The following BMPER variants were observed in gnomAD, a reference collection of about 807,000 sequenced individuals.
BMPER encodes the protein BMP binding endothelial regulator, also known as BMP-binding endothelial regulator protein.
BMPER carries 45 observed loss-of-function variants against 87.3 expected under a neutral mutation model. That is an observed-to-expected ratio of 0.52 (90% CI 0.41 to 0.66). The LOEUF is 0.66. BMPER is among the 30% of genes least tolerant of loss of function. BMPER has a pLI of 0.00. For missense variants in BMPER, 784 were observed against 867.5 expected, an observed-to-expected ratio of 0.90 and a Z score of 1.21; for synonymous variants, 326 against 316.2, an observed-to-expected ratio of 1.03 and a Z score of -0.33.
At chr7:33,988,884 C>T (rs927611559) in intron 6 of BMPER, among the ~76,000 whole-genome samples, 76 of 124,810 alleles carry the variant, frequency 6.1e-4, no homozygotes, top group African/African-American at 2.1e-3. Context: ...TTTGTTCTCG[C>T]GATAGTTTAC....
intron 6 of BMPER, among the ~76,000 whole-genome samples, chr7:33,982,126 A>G (rs537552645): frequency 2.0e-5 from 3 of 152,150 alleles, no homozygotes; most frequent in Admixed American, 2.0e-4. Flanking sequence ...GAGATGCCTC[A>G]TCATTTCTGT....
chr7:34,129,590 G>GAGAGAGAGAGAA (rs1562761859), intron 13 of BMPER, among the ~76,000 whole-genome samples: 3 of 128,698 alleles, frequency 2.3e-5, no homozygotes, highest in African/African-American at 9.4e-5. Context: ...GAGAGAGAGA[G>GAGAGAGAGAGAA]AGAGAGAGAG....
chr7:33,928,942 G>A (rs1256588737), intron 2 of BMPER, among the ~76,000 whole-genome samples: 2 of 152,144 alleles, frequency 1.3e-5, no homozygotes, highest in East Asian at 1.9e-4. Context: ...ACCTCAGGGG[G>A]TCTTACTTCT....
chr7:33,958,197 T>C (rs1161460836), intron 3 of BMPER, among the ~76,000 whole-genome samples: 5 of 152,234 alleles, frequency 3.3e-5, no homozygotes. Context: ...TTTTTATACG[T>C]CACCCACCTT....
intron 13 of BMPER, among the ~76,000 whole-genome samples, chr7:34,092,458 C>T (rs1789412862): frequency 6.6e-6 from 1 of 152,208 alleles, no homozygotes; most frequent in Admixed American, 6.5e-5. Flanking sequence ...AAACTAGCCT[C>T]TTCTTGTATG....
intron 6 of BMPER, among the ~76,000 whole-genome samples, chr7:34,027,889 G>A (rs1272500060): frequency 6.6e-6 from 1 of 152,032 alleles, no homozygotes; most frequent in Non-Finnish European, 1.5e-5. Context: ...ATTTTATAAT[G>A]AAGTATACCA....
chr7:34,104,939 CAG>C (rs1327800036), intron 13 of BMPER, among the ~76,000 whole-genome samples: 3 of 152,140 alleles, frequency 2.0e-5, no homozygotes, highest in African/African-American at 7.2e-5. Flanking sequence ...AAATGATTCC[CAG>C]AGATGTTCCT....
At chr7:34,090,207 C>T (rs1789341918) in intron 13 of BMPER, among the ~76,000 whole-genome samples, 1 of 152,154 alleles carries the variant, frequency 6.6e-6, no homozygotes, top group Non-Finnish European at 1.5e-5. Flanking sequence ...TTTGCATTAT[C>T]CTTTATTAGT....
intron 6 of BMPER, among the ~76,000 whole-genome samples, chr7:33,995,216 A>G (rs541869735): frequency 1.3e-5 from 2 of 152,254 alleles, no homozygotes; most frequent in Non-Finnish European, 2.9e-5. Flanking sequence ...AAAGACTCTT[A>G]CATAATAAAG....
At chr7:34,039,867 G>A (rs1352120499) in intron 6 of BMPER, among the ~76,000 whole-genome samples, 1 of 152,004 alleles carries the variant, frequency 6.6e-6, no homozygotes, top group Non-Finnish European at 1.5e-5. Context: ...CAGCTCATCA[G>A]GAACACATCT....
At chr7:33,966,589 TA>T (rs1785412094) in intron 4 of BMPER, 28 bp downstream of exon 4, 1 of 1,602,050 alleles carries the variant, frequency 6.2e-7, no homozygotes, top group Non-Finnish European at 8.5e-7. Context: ...CTCTCTCCAG[TA>T]AAAAGGAATC....
At chr7:34,074,924 A>G (rs774623815) in intron 11 of BMPER, among the ~76,000 whole-genome samples, 31 of 152,300 alleles carry the variant, frequency 2.0e-4, no homozygotes, top group Non-Finnish European at 4.1e-4. Flanking sequence ...AACATGAATG[A>G]TGCTTTTTCC....
At chr7:33,933,290 C>A (rs1481345267) in intron 2 of BMPER, among the ~76,000 whole-genome samples, 5 of 152,140 alleles carry the variant, frequency 3.3e-5, no homozygotes, top group Admixed American at 2.6e-4. Flanking sequence ...GTTAAAGAAT[C>A]GGTTAACTAT....
intron 2 of BMPER, among the ~76,000 whole-genome samples, chr7:33,919,699 G>T (rs1784168636): frequency 6.6e-6 from 1 of 152,188 alleles, no homozygotes; most frequent in Non-Finnish European, 1.5e-5. Context: ...ATATCCTGAG[G>T]CACTGCAAGA....
intron 11 of BMPER, among the ~76,000 whole-genome samples, chr7:34,063,383 G>GTA (rs1788493800): frequency 1.2e-5 from 1 of 81,506 alleles, no homozygotes; most frequent in African/African-American, 4.5e-5. Flanking sequence ...CACTATATGT[G>GTA]TGTGTGTGTG....
intron 6 of BMPER, among the ~76,000 whole-genome samples, chr7:33,988,542 A>T (rs187561209): frequency 5.6e-4 from 86 of 152,334 alleles, no homozygotes; most frequent in African/African-American, 2.0e-3. Flanking sequence ...TCAAACTTCT[A>T]TCATTAAGTA....
intron 5 of BMPER, among the ~76,000 whole-genome samples, chr7:33,974,414 T>G (rs1359048439): frequency 5.9e-5 from 9 of 152,120 alleles, no homozygotes; most frequent in Admixed American, 5.2e-4. Context: ...ATGATCACCA[T>G]GCAGCTCCCG....
intron 2 of BMPER, among the ~76,000 whole-genome samples, chr7:33,931,643 G>T (rs1784483745): frequency 6.6e-6 from 1 of 152,170 alleles, no homozygotes; most frequent in Non-Finnish European, 1.5e-5. Flanking sequence ...TTGACTCTTT[G>T]ACTTCATACA....
At chr7:33,981,583 A>T (rs1316094530) in intron 6 of BMPER, among the ~76,000 whole-genome samples, 1 of 152,226 alleles carries the variant, frequency 6.6e-6, no homozygotes, top group Admixed American at 6.5e-5. Context: ...TTAGGATAAA[A>T]TGGTGACTGT....
Sources: gnomAD v4.1 joint callset for allele counts (sites outside exome capture counted in the v4.1 genomes callset) on GRCh38, gnomAD v4.1.1 for gene constraint, MANE v1.5 for transcripts, NCBI Gene and HGNC (gene_info 2026-07-23, HGNC 2026-07-21) for gene names.